Variants in USO1 observed in about 807,000 individuals in gnomAD.
USO1 encodes general vesicular transport factor p115.
In USO1, 57 loss-of-function variants were observed where a neutral mutation model predicts 124.5. That is an observed-to-expected ratio of 0.46 (90% CI 0.37 to 0.57). The LOEUF (loss-of-function observed/expected upper bound fraction) is 0.57, where lower values mean the gene tolerates loss of function less well. Among genes scored for constraint, USO1 ranks in the 20% least tolerant of loss-of-function variants. The pLI, the probability that USO1 is intolerant of heterozygous loss-of-function variation, is 0.00. For missense variants in USO1, 900 were observed against 1,040.6 expected, an observed-to-expected ratio of 0.86 and a Z score of 1.86; for synonymous variants, 369 against 362.8, an observed-to-expected ratio of 1.02 and a Z score of -0.19.
intron 4 of USO1, among the ~76,000 whole-genome samples, chr4:75,765,806 G>T (rs1223549339): frequency 1.3e-5 from 2 of 152,130 alleles, no homozygotes; most frequent in African/African-American, 4.8e-5. Flanking sequence ...AGCAGAGAAT[G>T]TCCCTTGAAT....
intron 8 of USO1, among the ~76,000 whole-genome samples, chr4:75,780,480 G>A (rs1166224260): frequency 2.0e-5 from 3 of 151,278 alleles, no homozygotes; most frequent in African/African-American, 4.9e-5. Flanking sequence ...CACTATGTTG[G>A]CCAGGCTGAT....
In USO1 at chr4:75,724,872, C is replaced by G. The variant is rs774395680; in HGVS notation, c.53C>G (p.Thr18Arg). 47 of 1,613,286 alleles carry G rather than the reference C, an allele frequency of 2.9e-5. No individual in the cohort carries two copies. The highest frequency in any genetic ancestry group is 3.9e-5 in the Non-Finnish European group (46 of 1,179,614). ...GGTCAGAGTGCCGGACCCCAGCACA[C>G]AGAAGCCGAGACGGTGAGAGGAGCA... ...MGGQSAGPQH[T>R]EAETIQKLCD... The change falls in exon 1 of 24, where the codon ACA becomes AGA. Residue 18 changes from threonine to arginine, a missense_variant. Transcript: ENST00000514213.
At chr4:75,797,568 A>C (rs1722724964) in intron 13 of USO1, among the ~76,000 whole-genome samples, 1 of 150,810 alleles carries the variant, frequency 6.6e-6, no homozygotes, top group Admixed American at 6.6e-5. Flanking sequence ...AGCAAAAAAA[A>C]AAAAAAAAGC....
At chr4:75,788,176 T>A (rs866304880) in intron 10 of USO1, among the ~76,000 whole-genome samples, 5,796 of 130,096 alleles carry the variant, frequency 0.045, 130 homozygotes, top group African/African-American at 0.07. Flanking sequence ...TATTTATTTT[T>A]TTTTTTTTTT....
At chr4:75,745,343 T>A (rs757197312) in intron 1 of USO1, 1 of 519,880 alleles carries the variant, frequency 1.9e-6, no homozygotes, top group Non-Finnish European at 3.8e-6. Context: ...CTTGTCAGGG[T>A]GTTTAGTAGA....
chr4:75,754,726 A>G (rs958510410), intron 3 of USO1, among the ~76,000 whole-genome samples: 2 of 152,114 alleles, frequency 1.3e-5, no homozygotes, highest in Non-Finnish European at 2.9e-5. Flanking sequence ...AGGCCAAAAA[A>G]CAGCTAGAGT....
At chr4:75,799,600 T>C (rs756319190) in intron 13 of USO1, 22 bp from the exon 14 acceptor site, 12 of 1,609,744 alleles carry the variant, frequency 7.5e-6, no homozygotes, top group Admixed American at 6.8e-5. Context: ...TGGAAAGATT[T>C]CTACCAATTT....
intron 1 of USO1, among the ~76,000 whole-genome samples, chr4:75,749,426 G>A (rs1425782729): frequency 6.7e-6 from 1 of 149,932 alleles, no homozygotes; most frequent in African/African-American, 2.5e-5. Flanking sequence ...GGAGAAACAA[G>A]GTCTCACTCT....
chr4:75,726,797 C>A (rs12505147), intron 1 of USO1, among the ~76,000 whole-genome samples: 2 of 152,120 alleles, frequency 1.3e-5, no homozygotes, highest in African/African-American at 4.8e-5. Context: ...ATAATCACAG[C>A]CCACCACTTT....
chr4:75,759,637 G>A (rs1358479383), intron 4 of USO1, among the ~76,000 whole-genome samples: 2 of 150,636 alleles, frequency 1.3e-5, no homozygotes, highest in African/African-American at 4.9e-5. Flanking sequence ...GGCTGGGCAC[G>A]GTGGCTCACG....
chr4:75,766,945 C>T (rs1309610849), intron 4 of USO1, among the ~76,000 whole-genome samples: 1 of 152,186 alleles, frequency 6.6e-6, no homozygotes, highest in Non-Finnish European at 1.5e-5. Context: ...ATTACCTCTA[C>T]CTGTGTTAGT....
At position 75,770,471 on chromosome 4, in the gene USO1, GGA is replaced by G. The variant is rs747201345; in HGVS notation, c.329_330del (p.Gly110GlufsTer9). 4 of 1,590,606 alleles carry G rather than the reference GGA, an allele frequency of 2.5e-6. No homozygotes were observed. In the South Asian group the frequency reaches 4.6e-5, roughly 18 times the overall value. On this transcript the variant is annotated frameshift_variant, in exon 5 of 24. Coordinates refer to ENST00000514213, the MANE Select transcript of USO1 (RefSeq NM_003715.4). LOFTEE classifies it high-confidence loss of function. ...ENSTRQSEDL[G>X]SQFTEIFIKQ... ...TTCCACAAGACAGAGTGAAGATTTG[GGA>G]AGCCAATTTACAGAAATTTTCATTA...
intron 1 of USO1, among the ~76,000 whole-genome samples, chr4:75,748,764 T>A (rs1721208832): frequency 1.3e-5 from 2 of 151,782 alleles, no homozygotes; most frequent in African/African-American, 2.4e-5. Flanking sequence ...GGAAAAAAAA[T>A]TTACCATTCA....
intron 4 of USO1, chr4:75,767,396 C>T: frequency 2.4e-6 from 1 of 413,100 alleles, no homozygotes; most frequent in Non-Finnish European, 4.7e-6. Context: ...TGTAAATAAA[C>T]AATTTGATGA....
At chr4:75,776,827 G>C (rs1183835328) in intron 8 of USO1, among the ~76,000 whole-genome samples, 6 of 152,130 alleles carry the variant, frequency 3.9e-5, no homozygotes, top group Admixed American at 6.6e-5. Context: ...AATCTGGAGA[G>C]ATTAGGTCTG....
At chr4:75,803,003 G>C (rs1442803421) in intron 17 of USO1, among the ~76,000 whole-genome samples, 5 of 144,048 alleles carry the variant, frequency 3.5e-5, no homozygotes, top group Non-Finnish European at 6.0e-5. Flanking sequence ...AGAATCGCTT[G>C]AACAACCTGG....
intron 4 of USO1, among the ~76,000 whole-genome samples, chr4:75,763,264 G>T (rs922486535): frequency 2.0e-5 from 3 of 152,146 alleles, no homozygotes; most frequent in Admixed American, 1.3e-4. Context: ...ACAGATGATG[G>T]TTCAACTTCA....
chr4:75,735,260 A>G (rs997030668), intron 1 of USO1, among the ~76,000 whole-genome samples: 20 of 152,138 alleles, frequency 1.3e-4, no homozygotes, highest in Admixed American at 1.3e-4. Flanking sequence ...ATGTATAGAA[A>G]TGCTACTGAT....
At chr4:75,756,888 A>C (rs886515206) in intron 3 of USO1, among the ~76,000 whole-genome samples, 2 of 151,966 alleles carry the variant, frequency 1.3e-5, no homozygotes, top group Admixed American at 6.6e-5. Context: ...GATAACAGTT[A>C]CTTTTCTTTA....
Sources: gnomAD v4.1 joint callset for allele counts (sites outside exome capture counted in the v4.1 genomes callset) on GRCh38, gnomAD v4.1.1 for gene constraint, MANE v1.5 for transcripts, NCBI Gene and HGNC (gene_info 2026-07-23, HGNC 2026-07-21) for gene names.